Variants in EIPR1 observed in about 807,000 individuals in gnomAD.
The protein encoded by EIPR1 is EARP complex and GARP complex interacting protein 1.
A neutral mutation model predicts 48.1 loss-of-function variants in EIPR1; 25 were observed. That is an observed-to-expected ratio of 0.52 (90% CI 0.38 to 0.73). The LOEUF is 0.73. Ranked by LOEUF, EIPR1 falls within the 30% of genes least tolerant of loss-of-function variation. The probability of loss-of-function intolerance (pLI) is 0.00; values close to 1 mark genes in which losing one functional copy is unlikely to be tolerated. For synonymous variants in EIPR1, 204 were observed against 201.9 expected, an observed-to-expected ratio of 1.01 and a Z score of -0.09; for missense variants, 415 against 506.2, an observed-to-expected ratio of 0.82 and a Z score of 1.73.
At chr2:3,335,275 C>A (rs7422746) in intron 3 of EIPR1, among the ~76,000 whole-genome samples, 26,299 of 152,176 alleles carry the variant, frequency 0.17, 2,460 homozygotes, top group Non-Finnish European at 0.21. Context: ...CTATGGAAGC[C>A]GGGGCCGCAG....
chr2:3,365,923 C>T (rs865885328), intron 1 of EIPR1, among the ~76,000 whole-genome samples: 6 of 151,114 alleles, frequency 4.0e-5, no homozygotes, highest in Non-Finnish European at 5.9e-5. Context: ...GTGGGGGAGT[C>T]AGCCCCCCGC....
intron 3 of EIPR1, among the ~76,000 whole-genome samples, chr2:3,306,970 A>G (rs980917291): frequency 6.6e-6 from 1 of 150,896 alleles, no homozygotes; most frequent in Non-Finnish European, 1.5e-5. Flanking sequence ...TTTTTTTTTT[A>G]ATTTATTTAT....
chr2:3,275,447 A>G (rs2444595), intron 3 of EIPR1, among the ~76,000 whole-genome samples: 86,713 of 151,954 alleles, frequency 0.57, 25,121 homozygotes, highest in East Asian at 0.75. Flanking sequence ...AAATCTTTCA[A>G]TAACTGATAG....
intron 4 of EIPR1, among the ~76,000 whole-genome samples, chr2:3,254,139 C>T (rs1423449713): frequency 6.6e-6 from 1 of 152,180 alleles, no homozygotes; most frequent in African/African-American, 2.4e-5. Context: ...CAGCCTTCAC[C>T]TGTGCCGTAT....
chr2:3,376,608 T>A (rs944363355), intron 1 of EIPR1, among the ~76,000 whole-genome samples: 1 of 151,296 alleles, frequency 6.6e-6, no homozygotes, highest in African/African-American at 2.4e-5. Context: ...GGAGAATCAC[T>A]TAAACCCGGG....
intron 5 of EIPR1, among the ~76,000 whole-genome samples, chr2:3,204,258 C>A (rs1665146911): frequency 6.6e-6 from 1 of 152,242 alleles, no homozygotes; most frequent in Non-Finnish European, 1.5e-5. Context: ...GAAACAGGAT[C>A]TGTCACCTGA....
intron 3 of EIPR1, among the ~76,000 whole-genome samples, chr2:3,295,267 C>CAT (rs1668520292): frequency 3.1e-5 from 4 of 129,828 alleles, no homozygotes; most frequent in Admixed American, 7.6e-5. Flanking sequence ...GTCCTCTCTC[C>CAT]ACACACACCC....
intron 4 of EIPR1, among the ~76,000 whole-genome samples, chr2:3,243,445 C>T (rs1011103705): frequency 3.9e-5 from 6 of 152,006 alleles, no homozygotes; most frequent in Non-Finnish European, 8.8e-5. Flanking sequence ...GCCCAGCCAA[C>T]GTGGTAAAAC....
At chr2:3,374,518 C>T (rs1659808203) in intron 1 of EIPR1, among the ~76,000 whole-genome samples, 1 of 151,996 alleles carries the variant, frequency 6.6e-6, no homozygotes, top group Admixed American at 6.6e-5. Flanking sequence ...ACAATGAACT[C>T]AAACAAATTT....
At chr2:3,197,416 A>G (rs1444441558) in intron 5 of EIPR1, among the ~76,000 whole-genome samples, 1 of 152,228 alleles carries the variant, frequency 6.6e-6, no homozygotes, top group Non-Finnish European at 1.5e-5. Flanking sequence ...AAACACATTC[A>G]CTTGGTCAGA....
At chr2:3,314,090 G>A (rs1449725709) in intron 3 of EIPR1, among the ~76,000 whole-genome samples, 3 of 152,180 alleles carry the variant, frequency 2.0e-5, no homozygotes, top group South Asian at 2.1e-4. Context: ...GAGCACACAC[G>A]CTGGCCATAT....
chr2:3,254,515 C>G (rs1667095878), intron 4 of EIPR1, among the ~76,000 whole-genome samples: 1 of 152,210 alleles, frequency 6.6e-6, no homozygotes, highest in Non-Finnish European at 1.5e-5. Flanking sequence ...AGCCACTGAC[C>G]AGCACGCATG....
intron 5 of EIPR1, chr2:3,208,441 G>T: frequency 6.8e-7 from 1 of 1,481,130 alleles, no homozygotes; most frequent in East Asian, 2.5e-5. Context: ...CACTTCCTCT[G>T]CTTCCGTCGT....
chr2:3,324,969 C>CCTCA (rs762208455), intron 3 of EIPR1, among the ~76,000 whole-genome samples: 9 of 152,216 alleles, frequency 5.9e-5, no homozygotes, highest in Non-Finnish European at 1.0e-4. Context: ...GGACCGCCAC[C>CCTCA]CTCAGCAAGG....
chr2:3,337,981 T>A, intron 3 of EIPR1, 36 bp downstream of exon 3: 1 of 1,567,538 alleles, frequency 6.4e-7, no homozygotes, highest in Non-Finnish European at 8.6e-7. Context: ...TCCAGTTACC[T>A]CCAGTTAGCA....
At position 3,312,805 on chromosome 2, in the gene EIPR1, C is replaced by A. The variant is rs376286124; in HGVS notation, c.259+25212G>T. 2.6e-5 allele frequency among the ~76,000 whole-genome samples: 4 copies of A among 152,226 alleles called. No homozygotes were observed. In the East Asian group the frequency reaches 5.8e-4, roughly 22 times the overall value. On this transcript the variant is annotated intron_variant, in intron 3 of 8. Coordinates refer to ENST00000382125, the MANE Select transcript of EIPR1 (RefSeq NM_003310.5). The surrounding 1 kb of genome is among the most constrained non-coding windows in gnomAD (Gnocchi z 5.5). ...GTGACATGAGCACGTCATGGCCTGA[C>A]CACCGCTGTGGGCCTCATTCTGGAA...
chr2:3,205,368 A>C (rs771005218), intron 5 of EIPR1, among the ~76,000 whole-genome samples: 1 of 152,232 alleles, frequency 6.6e-6, no homozygotes, highest in Non-Finnish European at 1.5e-5. Flanking sequence ...ATGCAGAGAA[A>C]TCTGCTTTCT....
chr2:3,203,070 G>A (rs186326996), intron 5 of EIPR1, among the ~76,000 whole-genome samples: 1 of 152,322 alleles, frequency 6.6e-6, no homozygotes. Flanking sequence ...CAGGCCCTGT[G>A]CGGAGCATTT....
Position 3,273,819 on chromosome 2 carries a change from G to A in EIPR1, c.260-16364C>T, listed in dbSNP as rs142748117. ...AGCCTGATAGGAGCCTGTGACCCACGACAAACCCATGAAGACAGTGGCCTG... is the reference window on the plus strand; with the variant it reads ...AGCCTGATAGGAGCCTGTGACCCACAACAAACCCATGAAGACAGTGGCCTG... On this transcript the variant is annotated intron_variant, in intron 3 of 8. Coordinates refer to ENST00000382125, the MANE Select transcript of EIPR1 (RefSeq NM_003310.5). Among the ~76,000 whole-genome samples the A allele has an allele frequency of 5.1e-3, 779 of 152,242 alleles. 5 individuals carry two copies. Among genetic ancestry groups the A allele is most frequent in the African/African-American group, 0.017 (726 of 41,528 alleles).
Sources: allele counts gnomAD v4.1 joint callset (sites outside exome capture counted in the v4.1 genomes callset), GRCh38; gene constraint gnomAD v4.1.1; non-coding constraint Gnocchi (gnomAD v3.1); transcripts MANE v1.5; gene names NCBI Gene and HGNC (gene_info 2026-07-23, HGNC 2026-07-21).